The following ZNF467 variants were observed in gnomAD, a reference collection of about 807,000 sequenced individuals.
ZNF467 encodes the protein zinc finger protein EZI.
In ZNF467, 51 loss-of-function variants were observed where a neutral mutation model predicts 47.8. The ratio of observed to expected loss-of-function variants is 1.07; its 90% confidence interval spans 0.85 to 1.35. The LOEUF (loss-of-function observed/expected upper bound fraction) is 1.35. ZNF467 is among the 40% of genes most tolerant of loss of function. The pLI, the probability that ZNF467 is intolerant of heterozygous loss-of-function variation, is 0.00. For synonymous variants in ZNF467, 416 were observed against 372.9 expected (o/e 1.12, Z -1.33); for missense variants, 992 against 858.1 (o/e 1.16, Z -1.95).
upstream of ZNF467, among the ~76,000 whole-genome samples, chr7:149,773,897 G>A (rs935011380): frequency 4.6e-5 from 7 of 152,282 alleles, no homozygotes; most frequent in Non-Finnish European, 8.8e-5. Context: ...TTCGAAACCA[G>A]CCGCGGGAGC....
chr7:149,774,936 G>A (rs892980265), upstream of ZNF467, among the ~76,000 whole-genome samples: 5 of 152,146 alleles, frequency 3.3e-5, no homozygotes, highest in Admixed American at 6.5e-5. The surrounding 1 kb of genome is among the most constrained non-coding windows in gnomAD (Gnocchi z 5.7). Flanking sequence ...CAGGATACTC[G>A]GAGGGATATC....
chr7:149,765,010 G>C lies in ZNF467; in HGVS notation c.1492C>G (p.Arg498Gly), dbSNP rs1421776827. 6.3e-7 allele frequency: 1 copy of C among 1,582,260 alleles called. No homozygotes were observed. Among genetic ancestry groups the C allele is most frequent in the African/African-American group, 1.3e-5 (1 of 74,218 alleles). ...ACAQCGRRFS[R>G]KSHLGRHQAV... ...TGGTGGCGGCCCAGGTGCGACTTGC[G>C]GCTGAAGCGGCGGCCGCACTGAGCG... Residue 498 changes from arginine to glycine, a missense_variant, in exon 5 of 5, where the codon CGC becomes GGC. Coordinates refer to ENST00000302017, the MANE Select transcript of ZNF467 (RefSeq NM_207336.3).
At position 149,769,773 on chromosome 7, in the gene ZNF467, G is replaced by A. The variant is rs929455282; in HGVS notation, c.152-573C>T. Among the ~76,000 whole-genome samples, 2 of 152,184 alleles carry A rather than the reference G, an allele frequency of 1.3e-5. No homozygotes were observed. Among genetic ancestry groups the A allele is most frequent in the African/African-American group, 4.8e-5 (2 of 41,428 alleles). On this transcript the variant is annotated intron_variant, in intron 3 of 4. Transcript: ENST00000302017. This position sits in a 1 kb window ranked among gnomAD's most constrained non-coding sequence, Gnocchi z 5.3. ...GCACGATCATACCTCACTGCAGCCT[G>A]GGCTTCAAGGGATCCTCCTGCCCCA... is the stretch of plus-strand genomic sequence containing the variant.
intron 4 of ZNF467, among the ~76,000 whole-genome samples, chr7:149,768,272 G>A (rs1799282480): frequency 1.3e-5 from 2 of 152,104 alleles, no homozygotes; most frequent in Admixed American, 1.3e-4. Context: ...CATTTCTTTT[G>A]TGTCTAATAA....
chr7:149,773,465 T>C lies in ZNF467; in HGVS notation c.-400A>G, dbSNP rs1225723232. The C allele has an allele frequency of 2.4e-4, 16 of 67,908 alleles. No homozygotes were observed. Among genetic ancestry groups the C allele is most frequent in the African/African-American group, 9.4e-4 (15 of 15,942 alleles). The allele number at this position is 67,908 out of a possible 1,614,324, so 4.2% of individuals were successfully genotyped here. On this transcript the variant is annotated 5_prime_UTR_variant, in exon 1 of 5. Coordinates refer to ENST00000302017, the MANE Select transcript of ZNF467 (RefSeq NM_207336.3). The stretch of plus-strand genomic sequence containing the variant: ...TAAGGCTCCGAGCCTGGAGTAGGTG[T>C]GGAAGTGGGAGCTCAGGACGGGGGA...
Position 149,765,431 on chromosome 7 carries a change from GCAC to G in ZNF467, c.1068_1070del (p.Cys357del). ...AGCCGAAGCTCAAGCCGCAGTCGGA[GCAC>G]GCGAAAGGCTTTGGCCCGGGAAAGG... On this transcript the variant is annotated inframe_deletion, in exon 5 of 5. Transcript: ENST00000302017. 6.3e-7 allele frequency: 1 copy of G among 1,579,736 alleles called. No individual in the cohort carries two copies. The highest frequency in any genetic ancestry group is 8.6e-7 in the Non-Finnish European group (1 of 1,163,604).
chr7:149,770,975 G>A (rs1319710670), intron 2 of ZNF467, 24 bp downstream of exon 2: 1 of 1,613,838 alleles, frequency 6.2e-7, no homozygotes, highest in African/African-American at 1.3e-5. Flanking sequence ...TTTTCCCCAA[G>A]TCCCTTCATT....
At chr7:149,766,764 CT>C (rs1281584450) in intron 4 of ZNF467, among the ~76,000 whole-genome samples, 2 of 152,202 alleles carry the variant, frequency 1.3e-5, no homozygotes, top group African/African-American at 4.8e-5. Flanking sequence ...AAAACTTGAT[CT>C]TTGACATCTC....
At chr7:149,771,839 G>T (rs1416646957) in intron 1 of ZNF467, among the ~76,000 whole-genome samples, 1 of 146,216 alleles carries the variant, frequency 6.8e-6, no homozygotes, top group Non-Finnish European at 1.5e-5. Context: ...TCCGCCCCCG[G>T]CCCCGCCCCT....
Position 149,764,559 on chromosome 7 carries a change from G to T in ZNF467, c.*155C>A. On this transcript the variant is annotated 3_prime_UTR_variant, in exon 5 of 5. Transcript: ENST00000302017. ...GTCCTAGGAGGTCCGAGCTGGGTAT[G>T]CTGTGCGGACGCAGACACTGCGGGA... 7.4e-7 allele frequency: 1 copy of T among 1,358,538 alleles called. No homozygotes were observed. The allele number at this position is 1,358,538 out of a possible 1,614,324, so 84.2% of individuals were successfully genotyped here.
upstream of ZNF467, chr7:149,775,955 C>T (rs1017793526): frequency 4.2e-5 from 45 of 1,073,886 alleles, no homozygotes; most frequent in African/African-American, 8.2e-5. Context: ...GAGAGAGCAC[C>T]GCTGGCCTCT....
rs1799238585 is a variant in ZNF467, at chr7:149,766,815, G to C, written c.263-576C>G. On this transcript the variant is annotated intron_variant, in intron 4 of 4. Transcript: ENST00000302017. ...TCTTGCTCTCTAACCCCTACCCCCAGCCCACCTTACCTCTAGTGGCCACGG... is the reference window on the plus strand; with the variant it reads ...TCTTGCTCTCTAACCCCTACCCCCACCCCACCTTACCTCTAGTGGCCACGG... Among the ~76,000 whole-genome samples, 5 of 152,114 alleles carry C rather than the reference G, an allele frequency of 3.3e-5. No individual in the cohort carries two copies. The South Asian group carries it at 1.0e-3, about 32-fold the overall frequency.
At position 149,765,074 on chromosome 7, in the gene ZNF467, G is replaced by C. The variant is rs1379907953; in HGVS notation, c.1428C>G (p.Ala476=). ...RRFGSRPNLV[A]HSRAHSGARP... ...TGGCGCCGCTGTGGGCCCTGGAGTG[G>C]GCGACCAGATTAGGCCGCGAGCCGA... is the stretch of plus-strand genomic sequence containing the variant. Residue 476 remains alanine (A), a synonymous_variant, in exon 5 of 5, where the codon GCC becomes GCG. Coordinates refer to ENST00000302017, the MANE Select transcript of ZNF467 (RefSeq NM_207336.3). The C allele has an allele frequency of 1.3e-6, 2 of 1,482,138 alleles. No individual in the cohort carries two copies. Among genetic ancestry groups the C allele is most frequent in the Admixed American group, 4.8e-5 (2 of 41,354 alleles). 91.8% of individuals were successfully genotyped at this position (1,482,138 alleles called of 1,614,324 possible).
intron 1 of ZNF467, among the ~76,000 whole-genome samples, chr7:149,772,283 C>T (rs2062094662): frequency 2.8e-5 from 1 of 36,046 alleles, no homozygotes; most frequent in East Asian, 9.5e-4. Flanking sequence ...TGCAGCTCTC[C>T]TTCCCCTCCG....
At chr7:149,770,127 C>T (rs1799347076) in intron 3 of ZNF467, among the ~76,000 whole-genome samples, 1 of 151,510 alleles carries the variant, frequency 6.6e-6, no homozygotes, top group African/African-American at 2.4e-5. Flanking sequence ...TTATCCTCTC[C>T]CCCAGAGCTC....
intron 1 of ZNF467, among the ~76,000 whole-genome samples, 159 bp downstream of exon 1, chr7:149,772,949 C>G (rs1204636697): frequency 6.9e-6 from 1 of 144,348 alleles, no homozygotes; most frequent in Non-Finnish European, 1.5e-5. Context: ...CCCTTCCCCC[C>G]AGCCCCCGAC....
At position 149,765,473 on chromosome 7, in the gene ZNF467, C is replaced by T. The variant is rs1420068241; in HGVS notation, c.1029G>A (p.Pro343=). 6.3e-7 allele frequency: 1 copy of T among 1,585,662 alleles called. No homozygotes were observed. The highest frequency in any genetic ancestry group is 1.8e-5 in the Admixed American group (1 of 54,762). The change falls in exon 5 of 5, where the codon CCG becomes CCA. Residue 343 remains proline (P), a synonymous_variant. Transcript: ENST00000302017. Reference sequence around the variant, plus strand: ...GCCCGGGAAAGGATGGGGTCGGGGACGGGGCAGTGGAATGAGGAGAAGCGG... The same window carrying T: ...GCCCGGGAAAGGATGGGGTCGGGGATGGGGCAGTGGAATGAGGAGAAGCGG... ...DSSASPHSTA[P]SPTPSFPGPK...
chr7:149,765,410 G>A lies in ZNF467; in HGVS notation c.1092C>T (p.Phe364=), dbSNP rs1196424384. 2 of 1,573,794 alleles carry A rather than the reference G, an allele frequency of 1.3e-6. No homozygotes were observed. The highest frequency in any genetic ancestry group is 1.7e-6 in the Non-Finnish European group (2 of 1,160,590). Residue 364 remains phenylalanine (F), a synonymous_variant, in exon 5 of 5, where the codon TTC becomes TTT. Transcript: ENST00000302017. The part of the protein sequence containing the change: ...PFACSDCGLS[F]GWKKNLATHQ... ...GCGTGGCGAGGTTCTTTTTCCAGCCGAAGCTCAAGCCGCAGTCGGAGCACG... is the reference window on the plus strand; with the variant it reads ...GCGTGGCGAGGTTCTTTTTCCAGCCAAAGCTCAAGCCGCAGTCGGAGCACG...
intron 1 of ZNF467, among the ~76,000 whole-genome samples, chr7:149,771,819 G>A (rs1799420024): frequency 6.7e-6 from 1 of 148,452 alleles, no homozygotes. Context: ...AATCGGGCCG[G>A]CGCCTCGGCT....
Sources: allele counts gnomAD v4.1 joint callset (sites outside exome capture counted in the v4.1 genomes callset), GRCh38; gene constraint gnomAD v4.1.1; non-coding constraint Gnocchi (gnomAD v3.1); transcripts MANE v1.5; gene names NCBI Gene and HGNC (gene_info 2026-07-23, HGNC 2026-07-21).